The following ALS2CL variants were observed in gnomAD, a reference collection of about 807,000 sequenced individuals.
ALS2CL encodes the protein ALS2 C-terminal like, also known as ALS2 C-terminal-like protein.
In ALS2CL, 112 loss-of-function variants were observed where a neutral mutation model predicts 127.9. The ratio of observed to expected loss-of-function variants is 0.88; its 90% CI spans 0.75 to 1.02. The LOEUF is 1.02. Ranked by LOEUF, ALS2CL falls within the 50% of genes least tolerant of loss-of-function variation. The pLI is 0.00. For synonymous variants in ALS2CL, 519 were observed against 527.6 expected, an observed-to-expected ratio of 0.98 and a Z score of 0.22; for missense variants, 1,174 against 1,236.7, an observed-to-expected ratio of 0.95 and a Z score of 0.76.
rs559378272 is a variant in ALS2CL, at chr3:46,676,393, T to G, written c.2038A>C (p.Asn680His). The G allele has an allele frequency of 3.9e-5, 63 of 1,613,894 alleles. No individual in the cohort carries two copies. The South Asian group carries it at 6.1e-4, about 16-fold the overall frequency. ...LQLYLRKALSNSLHPLGKLLR... is the reference protein window; with the variant it reads ...LQLYLRKALSHSLHPLGKLLR... ...AGCTTTCCCAGGGGGTGCAGTGAGT[T>G]GCTCAGAGCCTGGGCCAGTGCATAG... Residue 680 changes from asparagine (N) to histidine (H), a missense_variant, in exon 19 of 26, where the codon AAC (asparagine) becomes CAC (histidine). Asn to His is a moderately conservative substitution (Grantham distance 68). Transcript: ENST00000318962.
rs775178920 is a variant in ALS2CL, at chr3:46,680,434, G to A, written c.1544C>T (p.Thr515Met). ...CCCAGGATACACTCCACTCACCACCGTCTTGTCCGCCTGGAAGGTGCCCTG... is the reference window on the plus strand; with the variant it reads ...CCCAGGATACACTCCACTCACCACCATCTTGTCCGCCTGGAAGGTGCCCTG... ...CYQGTFQADKTVGPGILLSED... is the reference protein window; with the variant it reads ...CYQGTFQADKMVGPGILLSED... The change falls in exon 14 of 26, where the codon ACG (threonine) becomes ATG (methionine). Residue 515 changes from threonine (T) to methionine (M), a missense_variant. Coordinates refer to ENST00000318962, the MANE Select transcript of ALS2CL (RefSeq NM_147129.5). 4.3e-5 allele frequency: 70 copies of A among 1,612,960 alleles called. No homozygotes were observed. The highest frequency in any genetic ancestry group is 1.6e-4 in the Middle Eastern group (1 of 6,080).
chr3:46,683,107 C>T (rs370381632), intron 10 of ALS2CL, 23 bp downstream of exon 10: 224 of 1,531,382 alleles, frequency 1.5e-4, no homozygotes, highest in Admixed American at 4.0e-4. Context: ...CCCACCTTGC[C>T]ACCCAGAGCT....
In ALS2CL at chr3:46,673,371, G is replaced by A. The variant is rs776101728; in HGVS notation, c.2440C>T (p.Pro814Ser). The change falls in exon 22 of 26, where the codon CCC becomes TCC. Residue 814 changes from proline to serine, a missense_variant. Physicochemically the swap from Pro to Ser is moderately conservative, Grantham distance 74. Coordinates refer to ENST00000318962, the MANE Select transcript of ALS2CL (RefSeq NM_147129.5). ...EFLDVQKHLW[P>S]LKDLTLTSNQ... The stretch of plus-strand genomic sequence containing the variant: ...CTCGTCAGCGTGAGGTCCTTGAGGG[G>A]CCACAAGTGCCTGAAATTGAAAAAG... 47 of 1,563,484 alleles carry A rather than the reference G, an allele frequency of 3.0e-5. No individual in the cohort carries two copies. Among genetic ancestry groups the A allele is most frequent in the Non-Finnish European group, 3.9e-5 (45 of 1,153,708 alleles).
chr3:46,683,376 T>A, intron 9 of ALS2CL, 50 bp from the exon 10 acceptor site: 1 of 1,526,000 alleles, frequency 6.6e-7, no homozygotes, highest in Non-Finnish European at 8.9e-7. Flanking sequence ...CTGGAGGCTT[T>A]CCCTCCAGGA....
At chr3:46,676,448 T>G (rs759983583) in intron 18 of ALS2CL, 46 bp from the exon 19 acceptor site, 1 of 1,609,410 alleles carries the variant, frequency 6.2e-7, no homozygotes, top group Non-Finnish European at 8.5e-7. Flanking sequence ...CACTGGGGTC[T>G]GGAGCACAGC....
chr3:46,680,322 ACACAGCCCCCTTTCCCATCCCTCC>A, intron 14 of ALS2CL, 84 bp downstream of exon 14: 1 of 1,230,034 alleles, frequency 8.1e-7, no homozygotes, highest in Non-Finnish European at 1.2e-6. Context: ...GCACCCAGGA[ACACAGCCCCCTTTCCCATCCCTCC>A]CTGAAAGGCC....
At chr3:46,690,631 A>G (rs1410169208) in intron 1 of ALS2CL, among the ~76,000 whole-genome samples, 2 of 152,214 alleles carry the variant, frequency 1.3e-5, no homozygotes, top group Non-Finnish European at 2.9e-5. Context: ...CTGATCAGGT[A>G]TCTGGGGCGG....
In ALS2CL at chr3:46,688,191, G is replaced by A. The variant is rs1444560430; in HGVS notation, c.209C>T (p.Ser70Leu). 1 of 1,613,086 alleles carries A rather than the reference G, an allele frequency of 6.2e-7. No individual in the cohort carries two copies. Among genetic ancestry groups the A allele is most frequent in the Non-Finnish European group, 8.5e-7 (1 of 1,179,994 alleles). The change falls in exon 3 of 26, where the codon TCA becomes TTA. Residue 70 changes from serine (S) to leucine (L), a missense_variant. Ser to Leu is a moderately radical substitution (Grantham distance 145). Transcript: ENST00000318962. The part of the protein sequence containing the change: ...LWEVTEESLH[S>L]LQERLRYPDS... ...CGGGTAACGCAGCCTCTCCTGCAGTGAGTGCAGGCTTTCCTCCGTCACCTC... is the reference window on the plus strand; with the variant it reads ...CGGGTAACGCAGCCTCTCCTGCAGTAAGTGCAGGCTTTCCTCCGTCACCTC...
rs184917458 is a variant in ALS2CL at position 46,674,787 on chromosome 3, G to A, written c.2256-48C>T. The A allele has an allele frequency of 6.0e-6, 9 of 1,510,124 alleles. No homozygotes were observed. The Admixed American group carries it at 1.2e-4, about 19-fold the overall frequency. The allele number at this position is 1,510,124 out of a possible 1,614,324, so 93.5% of individuals were successfully genotyped here. A position where few individuals can be genotyped will look rare whatever the true frequency, so the allele number is the denominator to read the frequency against. ...TTGGGATGAGCAAGGTGGGGTCTGG[G>A]ATTACTACTTGGAGTCTCGTCTCAA... On this transcript the variant is annotated intron_variant, in intron 20 of 25. Transcript: ENST00000318962.
intron 7 of ALS2CL, among the ~76,000 whole-genome samples, chr3:46,684,849 G>T (rs76699143): frequency 2.0e-5 from 3 of 152,218 alleles, no homozygotes; most frequent in African/African-American, 7.2e-5. Flanking sequence ...GGCTTCAGGG[G>T]ACACAGGTCT....
At chr3:46,683,376 T>C (rs1381063141) in intron 9 of ALS2CL, 50 bp from the exon 10 acceptor site, 21 of 1,525,880 alleles carry the variant, frequency 1.4e-5, no homozygotes, top group Non-Finnish European at 1.5e-5. Context: ...CTGGAGGCTT[T>C]CCCTCCAGGA....
Position 46,683,706 on chromosome 3 carries a change from G to T in ALS2CL, c.912+76C>A. The T allele has an allele frequency of 1.3e-6, 2 of 1,551,620 alleles. 1 individual carries two copies. Among genetic ancestry groups the T allele is most frequent in the South Asian group, 2.2e-5 (2 of 89,520 alleles). ...GCCGGCACTCCTGTGGGGCCCTGCA[G>T]GGTTGCATACTTCTGCCCTCTTCCT... is the stretch of plus-strand genomic sequence containing the variant. On this transcript the variant is annotated intron_variant, in intron 9 of 25. Coordinates refer to ENST00000318962, the MANE Select transcript of ALS2CL (RefSeq NM_147129.5).
At chr3:46,672,811 A>G (rs1222074704) in intron 22 of ALS2CL, among the ~76,000 whole-genome samples, 3 of 152,136 alleles carry the variant, frequency 2.0e-5, no homozygotes, top group Admixed American at 6.5e-5. Flanking sequence ...CCTGGCCAAC[A>G]TGGTGAAATC....
At chr3:46,682,812 A>C (rs748978973) in intron 10 of ALS2CL, among the ~76,000 whole-genome samples, 1 of 152,236 alleles carries the variant, frequency 6.6e-6, no homozygotes, top group Non-Finnish European at 1.5e-5. Flanking sequence ...CCATTTCAAC[A>C]CTGCCAGACA....
Position 46,679,292 on chromosome 3 carries a change from G to T in ALS2CL, c.1549-5C>A. On this transcript the variant is annotated splice_region_variant and splice_polypyrimidine_tract_variant and intron_variant, in intron 14 of 25. Coordinates refer to ENST00000318962, the MANE Select transcript of ALS2CL (RefSeq NM_147129.5). ...AGAGAGGAGGATGCCCGGGCCCTTG[G>T]GGAGAGGAAGCCAGGGAGGGTAGAA... 1 of 1,582,552 alleles carries T rather than the reference G, an allele frequency of 6.3e-7. No homozygotes were observed. Among genetic ancestry groups the T allele is most frequent in the East Asian group, 2.3e-5 (1 of 43,578 alleles).
chr3:46,671,006 C>T lies in ALS2CL; in HGVS notation c.2840G>A (p.Trp947Ter). Residue 947 changes from tryptophan (W) to a stop codon, truncating the protein, a stop_gained, in exon 26 of 26, where the codon TGG becomes TAG. Coordinates refer to ENST00000318962, the MANE Select transcript of ALS2CL (RefSeq NM_147129.5). LOFTEE classifies it high-confidence loss of function. The stretch of plus-strand genomic sequence containing the variant: ...AGGCTACCAGAGCTCCCTGGAGTGC[C>T]AGTGGCCAGGTAAGCGGTGCAGCCT... ...DMRLHRLPGH[W>*]HSRELW 1 of 1,614,200 alleles carries T rather than the reference C, an allele frequency of 6.2e-7. No individual in the cohort carries two copies. The highest frequency in any genetic ancestry group is 1.3e-5 in the African/African-American group (1 of 75,070).
intron 21 of ALS2CL, 129 bp from the exon 22 acceptor site, chr3:46,673,510 C>T (rs1180696683): frequency 5.1e-6 from 5 of 975,392 alleles, no homozygotes; most frequent in Non-Finnish European, 7.6e-6. Context: ...AGGAGATCAG[C>T]CTAGGTCATG....
Position 46,680,548 on chromosome 3 carries a change from G to T in ALS2CL, c.1437-7C>A. 1.2e-6 allele frequency: 2 copies of T among 1,609,696 alleles called. No individual in the cohort carries two copies. ...GCCAATGTAGCGCTCACCTCTGGAA[G>T]GAGAGGAATGTGGCCAGAGTTGGAT... is the stretch of plus-strand genomic sequence containing the variant. On this transcript the variant is annotated splice_polypyrimidine_tract_variant and splice_region_variant and intron_variant, in intron 13 of 25. Transcript: ENST00000318962.
At position 46,678,327 on chromosome 3, in the gene ALS2CL, T is replaced by C; in HGVS notation, c.1689A>G (p.Arg563=). The C allele has an allele frequency of 1.2e-6, 2 of 1,613,190 alleles. No homozygotes were observed. Among genetic ancestry groups the C allele is most frequent in the Non-Finnish European group, 1.7e-6 (2 of 1,179,516 alleles). Residue 563 remains arginine, a synonymous_variant, in exon 16 of 26, where the codon AGA becomes AGG. Transcript: ENST00000318962. ...LEGSFGSGAG[R]GLHTQGVLDT... is the part of the protein sequence containing the mutation. ...CCAGCACACCCTGTGTGTGCAGTCC[T>C]CTCCCTGCCCCACTGCCGAACGAGC...
Sources: allele counts gnomAD v4.1 joint callset (sites outside exome capture counted in the v4.1 genomes callset), GRCh38; gene constraint gnomAD v4.1.1; transcripts MANE v1.5; gene names NCBI Gene and HGNC (gene_info 2026-07-23, HGNC 2026-07-21).